SAFB: variants seen among roughly 807,000 people sequenced by gnomAD.
SAFB encodes scaffold attachment factor B, also known as scaffold attachment factor B1.
SAFB carries 15 observed loss-of-function variants against 101.6 expected under a neutral mutation model. The observed-to-expected ratio is 0.15, with a 90% confidence interval of 0.10 to 0.23. SAFB has a LOEUF of 0.23. Among genes scored for constraint, SAFB ranks in the 10% least tolerant of loss-of-function variants. The pLI, the probability that SAFB is intolerant of heterozygous loss-of-function variation, is 1.00. For synonymous variants in SAFB, 449 were observed against 407.5 expected (o/e 1.10, Z -1.23); for missense variants, 930 against 1,104.1 (o/e 0.84, Z 2.23).
chr19:5,654,165 C>G lies in SAFB; in HGVS notation c.1631C>G (p.Pro544Arg), dbSNP rs183340183. The change falls in exon 12 of 21, where the codon CCT becomes CGT. Residue 544 changes from proline to arginine, a missense_variant. This residue lies in a region of SAFB where 159 missense variants were observed against 234.1 expected (regional missense o/e 0.68). Transcript: ENST00000588852. Reference sequence around the variant, plus strand: ...AGTAAGGACCAAGATGATCAGAAACCTGGCCCCTCAGAGCGATCTCGAGCC... The same window carrying G: ...AGTAAGGACCAAGATGATCAGAAACGTGGCCCCTCAGAGCGATCTCGAGCC... ...EKSKDQDDQKPGPSERSRATK... is the reference protein window; with the variant it reads ...EKSKDQDDQKRGPSERSRATK... 74 of 1,614,166 alleles carry G rather than the reference C, an allele frequency of 4.6e-5. No homozygotes were observed. In the East Asian group the frequency reaches 1.5e-3, roughly 32 times the overall value.
rs192490761 is a variant in SAFB, at chr19:5,662,614, C to T, written c.2153+806C>T. Among the ~76,000 whole-genome samples the T allele has an allele frequency of 2.9e-3, 446 of 151,896 alleles. 1 individual carries two copies. The highest frequency in any genetic ancestry group is 0.01 in the African/African-American group (430 of 41,410). ...AGGCACGTAGAGAGCGCCACACGTG[C>T]CCTACTGCACCTCCTTTAAGGCCCT... is the stretch of plus-strand genomic sequence containing the variant. On this transcript the variant is annotated intron_variant, in intron 15 of 20. Transcript: ENST00000588852.
chr19:5,647,739 A>G (rs1471552341), intron 5 of SAFB, among the ~76,000 whole-genome samples: 1 of 152,194 alleles, frequency 6.6e-6, no homozygotes, highest in Non-Finnish European at 1.5e-5. Flanking sequence ...TGAGAGTTCA[A>G]TCTAGAGGGT....
intron 2 of SAFB, among the ~76,000 whole-genome samples, chr19:5,629,002 G>C (rs1438514950): frequency 6.6e-6 from 1 of 152,130 alleles, no homozygotes; most frequent in Non-Finnish European, 1.5e-5. Flanking sequence ...CGCAGTCATA[G>C]TTCGCTGCAG....
chr19:5,661,430 CTG>C, intron 14 of SAFB, 86 bp from the exon 15 acceptor site: 1 of 1,563,080 alleles, frequency 6.4e-7, no homozygotes. Flanking sequence ...GCCCTGGAGT[CTG>C]TGCGACCCAG....
At chr19:5,652,837 C>T (rs2053969126) in intron 9 of SAFB, among the ~76,000 whole-genome samples, 1 of 152,032 alleles carries the variant, frequency 6.6e-6, no homozygotes, top group South Asian at 2.1e-4. Flanking sequence ...AGTTTTAGAC[C>T]ATATTAAAGG....
chr19:5,641,981 G>A, intron 4 of SAFB, 35 bp downstream of exon 4: 1 of 1,511,804 alleles, frequency 6.6e-7, no homozygotes, highest in Non-Finnish European at 9.2e-7. Flanking sequence ...AATGTGCCCT[G>A]AATGTATCAG....
intron 1 of SAFB, among the ~76,000 whole-genome samples, chr19:5,624,878 T>C (rs2053320847): frequency 6.6e-6 from 1 of 152,126 alleles, no homozygotes; most frequent in South Asian, 2.1e-4. Flanking sequence ...AGAGTGGAGA[T>C]TGGCGGCTGG....
intron 5 of SAFB, among the ~76,000 whole-genome samples, chr19:5,645,663 C>T (rs1383846877): frequency 6.6e-6 from 1 of 152,168 alleles, no homozygotes; most frequent in Non-Finnish European, 1.5e-5. Flanking sequence ...TTGTGGCATT[C>T]TTAATTTCAT....
chr19:5,642,776 C>T (rs1377371556), intron 4 of SAFB, among the ~76,000 whole-genome samples: 2 of 150,564 alleles, frequency 1.3e-5, no homozygotes, highest in Non-Finnish European at 2.9e-5. Context: ...GATCTCCTCC[C>T]TCAGCCTCCC....
At position 5,653,994 on chromosome 19, in the gene SAFB, T is replaced by TC; in HGVS notation, c.1527-61dup. On this transcript the variant is annotated intron_variant, in intron 11 of 20. Coordinates refer to ENST00000588852, the MANE Select transcript of SAFB (RefSeq NM_001201338.2). The stretch of plus-strand genomic sequence containing the variant: ...GGTCTCATGTGATCCGCCCGCCTCA[T>TC]CCCCCCAAAGTGCTGGGAATACAGG... The TC allele has an allele frequency of 6.6e-6, 10 of 1,506,458 alleles. No individual in the cohort carries two copies. In the South Asian group the frequency reaches 1.2e-4, roughly 17 times the overall value. 93.3% of individuals were successfully genotyped at this position (1,506,458 alleles called of 1,614,324 possible).
intron 2 of SAFB, 141 bp from the exon 3 acceptor site, chr19:5,641,453 A>T (rs1254866781): frequency 1.4e-6 from 1 of 690,804 alleles, no homozygotes; most frequent in Non-Finnish European, 2.6e-6. Flanking sequence ...GAATGGCCTC[A>T]TTCCTGGATT....
chr19:5,650,075 G>A, intron 8 of SAFB, 100 bp downstream of exon 8: 1 of 879,458 alleles, frequency 1.1e-6, no homozygotes. Flanking sequence ...CCTTACCCAG[G>A]AGACTCCTGA....
At chr19:5,650,046 G>A in intron 8 of SAFB, 71 bp downstream of exon 8, 1 of 1,189,440 alleles carries the variant, frequency 8.4e-7, no homozygotes, top group Middle Eastern at 2.0e-4. Context: ...TTTGATTCTG[G>A]TTCATCGCGT....
intron 14 of SAFB, among the ~76,000 whole-genome samples, chr19:5,660,128 C>T (rs758121786): frequency 2.0e-5 from 3 of 152,090 alleles, no homozygotes; most frequent in Non-Finnish European, 4.4e-5. Flanking sequence ...GTCCCAGAAA[C>T]GACTGGCCTC....
chr19:5,663,724 G>A (rs1015065017), intron 15 of SAFB, among the ~76,000 whole-genome samples: 1 of 152,188 alleles, frequency 6.6e-6, no homozygotes, highest in African/African-American at 2.4e-5. Flanking sequence ...CTGAGCGGAG[G>A]TGGCTGTGTA....
At chr19:5,652,795 C>T (rs2053968394) in intron 9 of SAFB, among the ~76,000 whole-genome samples, 1 of 152,016 alleles carries the variant, frequency 6.6e-6, no homozygotes, top group South Asian at 2.1e-4. Context: ...ACCTACGTAG[C>T]ATGACTGTAT....
rs148831822 is a variant in SAFB at position 5,667,193 on chromosome 19, AC to A, written c.2453+39del. On this transcript the variant is annotated intron_variant, in intron 18 of 20. Transcript: ENST00000588852. The surrounding 1 kb of genome is among the most constrained non-coding windows in gnomAD (Gnocchi z 4.0). The stretch of plus-strand genomic sequence containing the variant: ...TGTGTCCCACACCCGACAGTACCTG[AC>A]CCCCCCCCCGCCCACAAGGGGGCCC... 86,483 of 861,242 alleles carry A rather than the reference AC, an allele frequency of 0.1. 612 individuals are homozygous for A. The highest frequency in any genetic ancestry group is 0.19 in the African/African-American group (10,315 of 54,272). 53.4% of individuals were successfully genotyped at this position (861,242 alleles called of 1,614,324 possible). A position where few individuals can be genotyped will look rare whatever the true frequency, so the allele number is the denominator to read the frequency against.
At chr19:5,662,224 G>A (rs1413513484) in intron 15 of SAFB, among the ~76,000 whole-genome samples, 3 of 152,180 alleles carry the variant, frequency 2.0e-5, no homozygotes. Flanking sequence ...TAGGCCGGGT[G>A]CGCTAGTTCA....
rs1262396772 is a variant in SAFB at position 5,667,718 on chromosome 19, G to A, written c.2558-102G>A. 8.8e-7 allele frequency: 1 copy of A among 1,134,792 alleles called. No individual in the cohort carries two copies. Among genetic ancestry groups the A allele is most frequent in the Non-Finnish European group, 1.3e-6 (1 of 763,084 alleles). The allele number at this position is 1,134,792 out of a possible 1,614,324, so 70.3% of individuals were successfully genotyped here. ...TCTTCCTGGGACCCGCTAGTTGTGG[G>A]TACCTGGGGGCCTCACCAAAGGGAG... On this transcript the variant is annotated intron_variant, in intron 19 of 20. Transcript: ENST00000588852. The surrounding 1 kb of genome is among the most constrained non-coding windows in gnomAD (Gnocchi z 4.0).
Sources: allele counts gnomAD v4.1 joint callset (sites outside exome capture counted in the v4.1 genomes callset), GRCh38; gene constraint gnomAD v4.1.1; regional missense constraint gnomAD v4.1.1; non-coding constraint Gnocchi (gnomAD v3.1); transcripts MANE v1.5; gene names NCBI Gene and HGNC (gene_info 2026-07-23, HGNC 2026-07-21).